DDR2: variants seen among roughly 807,000 people sequenced by gnomAD.
DDR2 encodes discoidin domain receptor tyrosine kinase 2.
Under a neutral mutation model 94.9 loss-of-function variants are expected in DDR2, and 27 were observed. The ratio of observed to expected loss-of-function variants is 0.28; its 90% CI spans 0.21 to 0.39. The LOEUF is 0.39. DDR2 is among the 10% of genes least tolerant of loss of function. The pLI is 1.00. For missense variants in DDR2, 783 were observed against 1,076.0 expected (o/e 0.73, Z 3.81); for synonymous variants, 382 against 377.2 (o/e 1.01, Z -0.15).
At chr1:162,737,102 T>C (rs1363078657) in intron 3 of DDR2, among the ~76,000 whole-genome samples, 1 of 151,720 alleles carries the variant, frequency 6.6e-6, no homozygotes, top group Admixed American at 6.5e-5. Flanking sequence ...TTCTTTCTTT[T>C]TTTTCGTTTC....
intron 2 of DDR2, among the ~76,000 whole-genome samples, chr1:162,667,286 C>T (rs1043203261): frequency 1.3e-5 from 2 of 152,072 alleles, no homozygotes; most frequent in Non-Finnish European, 2.9e-5. Flanking sequence ...CTCATAACCA[C>T]CACAAGAAGA....
At chr1:162,654,394 T>G (rs371860651) in intron 1 of DDR2, among the ~76,000 whole-genome samples, 7 of 152,084 alleles carry the variant, frequency 4.6e-5, no homozygotes, top group African/African-American at 1.7e-4. Context: ...TGTAGTGAGC[T>G]ATGATCACTC....
intron 4 of DDR2, among the ~76,000 whole-genome samples, chr1:162,754,198 C>G (rs1663347667): frequency 1.3e-5 from 2 of 152,098 alleles, no homozygotes; most frequent in Admixed American, 6.5e-5. Context: ...ATTGCATAAC[C>G]CACACTGGAG....
chr1:162,689,009 T>C (rs1218677234), intron 2 of DDR2, among the ~76,000 whole-genome samples: 1 of 152,200 alleles, frequency 6.6e-6, no homozygotes, highest in African/African-American at 2.4e-5. Flanking sequence ...CACACTTTTG[T>C]TGTGTGACTT....
chr1:162,680,146 T>C (rs1156293512), intron 2 of DDR2, among the ~76,000 whole-genome samples: 2 of 152,208 alleles, frequency 1.3e-5, no homozygotes, highest in East Asian at 1.9e-4. Flanking sequence ...TTAGTTCTCA[T>C]TGGTAAATTT....
intron 2 of DDR2, among the ~76,000 whole-genome samples, chr1:162,660,022 C>A (rs1311148593): frequency 2.0e-5 from 3 of 151,916 alleles, no homozygotes; most frequent in African/African-American, 7.3e-5. Flanking sequence ...GTATTTCTTG[C>A]TGGCTGTGTT....
At chr1:162,762,417 TA>T (rs2102158928) in intron 9 of DDR2, among the ~76,000 whole-genome samples, 1 of 152,348 alleles carries the variant, frequency 6.6e-6, no homozygotes, top group South Asian at 2.1e-4. Flanking sequence ...CATGGGGATG[TA>T]ATGCTAGATC....
intron 1 of DDR2, among the ~76,000 whole-genome samples, chr1:162,643,715 A>G (rs928479034): frequency 6.6e-6 from 1 of 152,152 alleles, no homozygotes; most frequent in Non-Finnish European, 1.5e-5. Flanking sequence ...TCCTGACCTC[A>G]GGTGATCCAC....
At chr1:162,725,421 C>A (rs879847720) in intron 3 of DDR2, among the ~76,000 whole-genome samples, 1 of 152,138 alleles carries the variant, frequency 6.6e-6, no homozygotes, top group Non-Finnish European at 1.5e-5. Context: ...CTCTGTCACC[C>A]AGGCTGGAGT....
chr1:162,633,178 A>G (rs185688644), intron 1 of DDR2, among the ~76,000 whole-genome samples: 62 of 152,206 alleles, frequency 4.1e-4, no homozygotes, highest in African/African-American at 1.4e-3. Context: ...GGCTGGGTGC[A>G]TGGAAGATTT....
chr1:162,761,555 A>T, intron 9 of DDR2, 101 bp downstream of exon 9: 1 of 1,573,626 alleles, frequency 6.4e-7, no homozygotes, highest in Non-Finnish European at 8.7e-7. Flanking sequence ...GAGGAGTGGG[A>T]TTGTACAGGC....
At chr1:162,644,689 T>C (rs4657215) in intron 1 of DDR2, among the ~76,000 whole-genome samples, 78,120 of 151,648 alleles carry the variant, frequency 0.52, 22,163 homozygotes, top group Middle Eastern at 0.66. Context: ...CTCTGCCTCC[T>C]GGGTTCAAGT....
At chr1:162,713,135 C>G (rs542825072) in intron 2 of DDR2, among the ~76,000 whole-genome samples, 6 of 152,116 alleles carry the variant, frequency 3.9e-5, no homozygotes, top group Admixed American at 3.3e-4. Flanking sequence ...TGATAAAGTT[C>G]AGGAATTCTA....
intron 2 of DDR2, among the ~76,000 whole-genome samples, chr1:162,666,735 G>A (rs1444891230): frequency 4.0e-5 from 6 of 151,876 alleles, no homozygotes; most frequent in Non-Finnish European, 8.8e-5. Flanking sequence ...TTGTTAAGTT[G>A]TACTAACCTC....
At chr1:162,684,007 T>A (rs1659540532) in intron 2 of DDR2, among the ~76,000 whole-genome samples, 1 of 152,174 alleles carries the variant, frequency 6.6e-6, no homozygotes, top group South Asian at 2.1e-4. Context: ...GCTGTAGTAA[T>A]CAAGGCTGTG....
rs1266760325 is a variant in DDR2 at position 162,780,443 on chromosome 1, G to A, written c.*197G>A. The A allele has an allele frequency of 9.1e-4, 564 of 619,210 alleles. No individual in the cohort carries two copies. The highest frequency in any genetic ancestry group is 2.3e-3 in the South Asian group (82 of 34,990). 38.4% of individuals were successfully genotyped at this position (619,210 alleles called of 1,614,324 possible). Reference sequence around the variant, plus strand: ...CACTTTTTTTTTTTTTTACATTAAAGAACTAAAAAAGGAAAAAAAAAAGCC... The same window carrying A: ...CACTTTTTTTTTTTTTTACATTAAAAAACTAAAAAAGGAAAAAAAAAAGCC... On this transcript the variant is annotated 3_prime_UTR_variant, in exon 18 of 18. Transcript: ENST00000367921.
At chr1:162,650,625 T>C (rs1266457585) in intron 1 of DDR2, among the ~76,000 whole-genome samples, 2 of 152,044 alleles carry the variant, frequency 1.3e-5, no homozygotes, top group South Asian at 2.1e-4. Context: ...AATAAATAAC[T>C]ATGTGCTCCT....
At chr1:162,638,523 G>A (rs1656953977) in intron 1 of DDR2, among the ~76,000 whole-genome samples, 1 of 152,182 alleles carries the variant, frequency 6.6e-6, no homozygotes, top group East Asian at 1.9e-4. Flanking sequence ...ACCAATATAT[G>A]CCACTTCCAT....
At chr1:162,651,022 C>T (rs1657662039) in intron 1 of DDR2, among the ~76,000 whole-genome samples, 1 of 152,152 alleles carries the variant, frequency 6.6e-6, no homozygotes, top group Non-Finnish European at 1.5e-5. Context: ...AACCACCGCA[C>T]CCAGCCCCTC....
Sources: allele counts gnomAD v4.1 joint callset (sites outside exome capture counted in the v4.1 genomes callset), GRCh38; gene constraint gnomAD v4.1.1; transcripts MANE v1.5; gene names NCBI Gene and HGNC (gene_info 2026-07-23, HGNC 2026-07-21).